Variants in CSNK1A1L observed in about 807,000 individuals in gnomAD.
CSNK1A1L encodes the protein casein kinase I isoform alpha-like.
In CSNK1A1L, 20 loss-of-function variants were observed where a neutral mutation model predicts 24.6. The ratio of observed to expected loss-of-function variants is 0.81; its 90% CI spans 0.57 to 1.18. The LOEUF is 1.18. Among genes scored for constraint, CSNK1A1L ranks in the 50% most tolerant of loss-of-function variants. The pLI is 0.00. For missense variants in CSNK1A1L, 414 were observed against 419.0 expected (o/e 0.99, Z 0.10); for synonymous variants, 152 against 154.0 (o/e 0.99, Z 0.09).
rs2070761581 is a variant in CSNK1A1L, at chr13:37,104,041, C to G, written c.*202G>C. On this transcript the variant is annotated 3_prime_UTR_variant, in exon 1 of 1. Transcript: ENST00000379800. ...GTTTCACTACCTCAGTTAATATTCA[C>G]AATTACAGAGGCTACACTTTGGGAT... The G allele has an allele frequency of 7.9e-6, 5 of 632,700 alleles. No homozygotes were observed. The highest frequency in any genetic ancestry group is 1.1e-5 in the Non-Finnish European group (4 of 367,318). 39.2% of individuals were successfully genotyped at this position (632,700 alleles called of 1,614,324 possible). A position where few individuals can be genotyped will look rare whatever the true frequency, so the allele number is the denominator to read the frequency against.
the CSNK1A1L span, chr13:37,104,558 A>C: frequency 6.8e-6 from 11 of 1,614,082 alleles, no homozygotes; most frequent in Non-Finnish European, 9.3e-6. Flanking sequence ...TAATCTTTTC[A>C]TATTTTTGTT....
chr13:37,104,819 A>T lies in CSNK1A1L; in HGVS notation c.438T>A (p.Thr146=). Residue 146 remains threonine, a synonymous_variant, in exon 1 of 1, where the codon ACT becomes ACA. Coordinates refer to ENST00000379800, the MANE Select transcript of CSNK1A1L (RefSeq NM_145203.6). ...DIKPDNFLMG[T]GRHCNKLFLI... ...GGAACAACTTATTACAGTGACGCCC[A>T]GTACCCATCAGGAAGTTATCTGGTT... The T allele has an allele frequency of 6.2e-7, 1 of 1,613,742 alleles. No homozygotes were observed. Among genetic ancestry groups the T allele is most frequent in the Non-Finnish European group, 8.5e-7 (1 of 1,179,970 alleles).
rs2070773518 is a variant in CSNK1A1L, at chr13:37,105,609, G to C, written c.-353C>G. On this transcript the variant is annotated 5_prime_UTR_variant, in exon 1 of 1. Coordinates refer to ENST00000379800, the MANE Select transcript of CSNK1A1L (RefSeq NM_145203.6). ...GCTACCAACGGCTGTGGGCCAGAGGGCCCGGTCACGCCGCCGGCGCCGCCA... is the reference window on the plus strand; with the variant it reads ...GCTACCAACGGCTGTGGGCCAGAGGCCCCGGTCACGCCGCCGGCGCCGCCA... 2 of 224,150 alleles carry C rather than the reference G, an allele frequency of 8.9e-6. No homozygotes were observed. Among genetic ancestry groups the C allele is most frequent in the South Asian group, 1.4e-4 (1 of 7,322 alleles). The allele number at this position is 224,150 out of a possible 1,614,324, so 13.9% of individuals were successfully genotyped here.
In CSNK1A1L at chr13:37,103,790, C is replaced by A; in HGVS notation, c.*453G>T. 5.2e-6 allele frequency: 1 copy of A among 193,216 alleles called. No homozygotes were observed. Among genetic ancestry groups the A allele is most frequent in the Admixed American group, 5.3e-5 (1 of 18,728 alleles). The allele number at this position is 193,216 out of a possible 1,614,324, so 12.0% of individuals were successfully genotyped here. On this transcript the variant is annotated 3_prime_UTR_variant, in exon 1 of 1. Coordinates refer to ENST00000379800, the MANE Select transcript of CSNK1A1L (RefSeq NM_145203.6). ...CTCTTTATGTGAACAATTTGCAAAC[C>A]CCAGGGATGGAGAAACCCTAAAAAT... is the stretch of plus-strand genomic sequence containing the variant.
rs148557143 is a variant in CSNK1A1L, at chr13:37,104,481, T to A, written c.776A>T (p.Tyr259Phe). ...GCGCAGCCCACGACAGTAGTTCAAGTACATGGCGAATTCTGCAGGAAACCC... is the reference window on the plus strand; with the variant it reads ...GCGCAGCCCACGACAGTAGTTCAAGAACATGGCGAATTCTGCAGGAAACCC... ...CKGFPAEFAM[Y>F]LNYCRGLRFE... Residue 259 changes from tyrosine (Y) to phenylalanine (F), a missense_variant, in exon 1 of 1, where the codon TAC (tyrosine) becomes TTC (phenylalanine). By Grantham distance (22) the Tyr-to-Phe change is conservative. Transcript: ENST00000379800. 6 of 1,614,090 alleles carry A rather than the reference T, an allele frequency of 3.7e-6. No homozygotes were observed. The highest frequency in any genetic ancestry group is 5.1e-6 in the Non-Finnish European group (6 of 1,180,040).
chr13:37,105,550 C>T lies in CSNK1A1L; in HGVS notation c.-294G>A. The T allele has an allele frequency of 5.4e-6, 2 of 368,330 alleles. No homozygotes were observed. The allele number at this position is 368,330 out of a possible 1,614,324, so 22.8% of individuals were successfully genotyped here. A position where few individuals can be genotyped will look rare whatever the true frequency, so the allele number is the denominator to read the frequency against. ...CGATGTCGTGGGCTGAGAAAGGGGG[C>T]ACAGCGAGTTGGGGCAGCAGTACTG... On this transcript the variant is annotated 5_prime_UTR_variant, in exon 1 of 1. Coordinates refer to ENST00000379800, the MANE Select transcript of CSNK1A1L (RefSeq NM_145203.6).
chr13:37,104,684 A>C lies in CSNK1A1L; in HGVS notation c.573T>G (p.Asn191Lys). ...GGCTCTGCTCAATACCAAGATGTGCATTGATGCTGGCATATCGGACAGTGC... is the reference window on the plus strand; with the variant it reads ...GGCTCTGCTCAATACCAAGATGTGCCTTGATGCTGGCATATCGGACAGTGC... ...LIGTVRYASI[N>K]AHLGIEQSRR... The change falls in exon 1 of 1, where the codon AAT becomes AAG. Residue 191 changes from asparagine to lysine, a missense_variant. Physicochemically the swap from Asn to Lys is moderately conservative, Grantham distance 94 (BLOSUM62 0). Transcript: ENST00000379800. The C allele has an allele frequency of 6.2e-7, 1 of 1,614,062 alleles. No homozygotes were observed. Among genetic ancestry groups the C allele is most frequent in the Non-Finnish European group, 8.5e-7 (1 of 1,180,026 alleles).
Position 37,105,299 on chromosome 13 carries a change from C to T in CSNK1A1L, c.-43G>A. The T allele has an allele frequency of 6.3e-7, 1 of 1,577,700 alleles. No homozygotes were observed. Among genetic ancestry groups the T allele is most frequent in the Non-Finnish European group, 8.6e-7 (1 of 1,162,246 alleles). On this transcript the variant is annotated 5_prime_UTR_variant, in exon 1 of 1. Coordinates refer to ENST00000379800, the MANE Select transcript of CSNK1A1L (RefSeq NM_145203.6). Reference sequence around the variant, plus strand: ...GAGGCTGGGCTCAGCCCTGACCCCTCTAGGGGAGGATGGAGGCCTCCGGGG... The same window carrying T: ...GAGGCTGGGCTCAGCCCTGACCCCTTTAGGGGAGGATGGAGGCCTCCGGGG...
In CSNK1A1L at chr13:37,105,619, G is replaced by A; in HGVS notation, c.-363C>T. 4.7e-6 allele frequency: 1 copy of A among 211,926 alleles called. No individual in the cohort carries two copies. Among genetic ancestry groups the A allele is most frequent in the East Asian group, 1.3e-4 (1 of 7,650 alleles). 13.1% of individuals were successfully genotyped at this position (211,926 alleles called of 1,614,324 possible). A position where few individuals can be genotyped will look rare whatever the true frequency, so the allele number is the denominator to read the frequency against. ...GCTGTGGGCCAGAGGGCCCGGTCAC[G>A]CCGCCGGCGCCGCCATTTTGTTCCT... On this transcript the variant is annotated 5_prime_UTR_variant, in exon 1 of 1. Transcript: ENST00000379800.
In CSNK1A1L at chr13:37,104,156, G is replaced by A; in HGVS notation, c.*87C>T. The stretch of plus-strand genomic sequence containing the variant: ...TGGTTGTTCACAGCCACTAGCTGGT[G>A]TACATATGAACTACAATTTCTAGAT... On this transcript the variant is annotated 3_prime_UTR_variant, in exon 1 of 1. Transcript: ENST00000379800. 1.3e-6 allele frequency: 2 copies of A among 1,545,676 alleles called. No individual in the cohort carries two copies. Among genetic ancestry groups the A allele is most frequent in the Non-Finnish European group, 1.8e-6 (2 of 1,123,702 alleles).
rs1035660543 is a variant in CSNK1A1L, at chr13:37,104,756, G to A, written c.501C>T (p.Asn167=). The A allele has an allele frequency of 1.2e-6, 2 of 1,613,694 alleles. No homozygotes were observed. The highest frequency in any genetic ancestry group is 2.7e-5 in the African/African-American group (2 of 74,812). ...TGTACGGTATGTGTTGCCTGGTCCT[G>A]TTGTCTCTGTACTTTTTGGCCAAAC... ...DFGLAKKYRD[N]RTRQHIPYRE... Residue 167 remains asparagine, a synonymous_variant, in exon 1 of 1, where the codon AAC becomes AAT. Transcript: ENST00000379800.
In CSNK1A1L at chr13:37,105,373, G is replaced by C; in HGVS notation, c.-117C>G. ...ATGAGGGCTGCTGGAAATGGCCACC[G>C]AGGCGTTTCCCGGTGTTACAGGGCG... On this transcript the variant is annotated 5_prime_UTR_variant, in exon 1 of 1. Transcript: ENST00000379800. 2.6e-6 allele frequency: 3 copies of C among 1,156,988 alleles called. No homozygotes were observed. The highest frequency in any genetic ancestry group is 2.4e-5 in the East Asian group (1 of 41,832). The allele number at this position is 1,156,988 out of a possible 1,614,324, so 71.7% of individuals were successfully genotyped here. A position where few individuals can be genotyped will look rare whatever the true frequency, so the allele number is the denominator to read the frequency against.
In CSNK1A1L at chr13:37,104,265, T is replaced by A. The variant is rs2070762700; in HGVS notation, c.992A>T (p.Lys331Met). 2 of 1,614,138 alleles carry A rather than the reference T, an allele frequency of 1.2e-6. No homozygotes were observed. The highest frequency in any genetic ancestry group is 2.2e-5 in the South Asian group (2 of 91,092). The stretch of plus-strand genomic sequence containing the variant: ...CGCTTAGTTATCTTTCACATTATTC[T>A]TGTTTTTTTCAGTTTGCTTGCCTGT... ...TQTGKQTEKNKNNVKDN is the reference protein window; with the variant it reads ...TQTGKQTEKNMNNVKDN Residue 331 changes from lysine (K) to methionine (M), a missense_variant, in exon 1 of 1, where the codon AAG (lysine) becomes ATG (methionine). By Grantham distance (95) the Lys-to-Met change is moderately conservative (BLOSUM62 -1). Coordinates refer to ENST00000379800, the MANE Select transcript of CSNK1A1L (RefSeq NM_145203.6).
rs1259640190 is a variant in CSNK1A1L, at chr13:37,104,489, G to A, written c.768C>T (p.Phe256=). 12 of 1,614,058 alleles carry A rather than the reference G, an allele frequency of 7.4e-6. No individual in the cohort carries two copies. In the East Asian group the frequency reaches 2.0e-4, roughly 27 times the overall value. ...EVLCKGFPAE[F]AMYLNYCRGL... ...CACGACAGTAGTTCAAGTACATGGC[G>A]AATTCTGCAGGAAACCCCTTACATA... Residue 256 remains phenylalanine (F), a synonymous_variant, in exon 1 of 1, where the codon TTC becomes TTT. Coordinates refer to ENST00000379800, the MANE Select transcript of CSNK1A1L (RefSeq NM_145203.6).
Position 37,104,829 on chromosome 13 carries a change from A to G in CSNK1A1L, c.428T>C (p.Leu143Pro), listed in dbSNP as rs1008599522. The change falls in exon 1 of 1, where the codon CTG becomes CCG. Residue 143 changes from leucine (L) to proline (P), a missense_variant. By Grantham distance (98) the Leu-to-Pro change is moderately conservative (BLOSUM62 -3). Transcript: ENST00000379800. ...ATTACAGTGACGCCCAGTACCCATC[A>G]GGAAGTTATCTGGTTTAATGTCTCG... ...LHRDIKPDNF[L>P]MGTGRHCNKL... 1 of 1,613,744 alleles carries G rather than the reference A, an allele frequency of 6.2e-7. No homozygotes were observed. Among genetic ancestry groups the G allele is most frequent in the African/African-American group, 1.3e-5 (1 of 74,800 alleles).
rs1468128150 is a variant in CSNK1A1L, at chr13:37,105,640, T to G, written c.-384A>C. On this transcript the variant is annotated 5_prime_UTR_variant, in exon 1 of 1. Transcript: ENST00000379800. ...TCACGCCGCCGGCGCCGCCATTTTG[T>G]TCCTCCACCTCAGCCAACCACAAAT... The G allele has an allele frequency of 2.0e-5, 4 of 203,328 alleles. No homozygotes were observed. The highest frequency in any genetic ancestry group is 3.3e-5 in the Non-Finnish European group (3 of 91,368). 12.6% of individuals were successfully genotyped at this position (203,328 alleles called of 1,614,324 possible).
In CSNK1A1L at chr13:37,105,260, G is replaced by A; in HGVS notation, c.-4C>T. 6.2e-7 allele frequency: 1 copy of A among 1,611,196 alleles called. No homozygotes were observed. Among genetic ancestry groups the A allele is most frequent in the Non-Finnish European group, 8.5e-7 (1 of 1,178,296 alleles). Reference sequence around the variant, plus strand: ...TGGAGCCGCTGTTGTTTGTCATCCTGAGAGGCAAAGATGGAGGCTGGGCTC... The same window carrying A: ...TGGAGCCGCTGTTGTTTGTCATCCTAAGAGGCAAAGATGGAGGCTGGGCTC... On this transcript the variant is annotated 5_prime_UTR_variant, in exon 1 of 1. Transcript: ENST00000379800.
Position 37,104,318 on chromosome 13 carries a change from A to G in CSNK1A1L, c.939T>C (p.Ser313=). The G allele has an allele frequency of 3.1e-6, 5 of 1,614,164 alleles. No homozygotes were observed. Among genetic ancestry groups the G allele is most frequent in the Non-Finnish European group, 4.2e-6 (5 of 1,180,036 alleles). Reference sequence around the variant, plus strand: ...GGGTTTGGGCCTGCTGACCCTGCCCACTGGAAGAGGCTGCCTGCTGTGCTG... The same window carrying G: ...GGGTTTGGGCCTGCTGACCCTGCCCGCTGGAAGAGGCTGCCTGCTGTGCTG... ...QKAAQQAASS[S]GQGQQAQTQT... The change falls in exon 1 of 1, where the codon AGT becomes AGC. Residue 313 remains serine, a synonymous_variant. Transcript: ENST00000379800.
At position 37,105,138 on chromosome 13, in the gene CSNK1A1L, C is replaced by T. The variant is rs1384752082; in HGVS notation, c.119G>A (p.Gly40Asp). Residue 40 changes from glycine (G) to aspartate (D), a missense_variant, in exon 1 of 1, where the codon GGC becomes GAC. Physicochemically the swap from Gly to Asp is moderately conservative, Grantham distance 94. Coordinates refer to ENST00000379800, the MANE Select transcript of CSNK1A1L (RefSeq NM_145203.6). ...DVYLGITTTNGEDVAVKLESQ... is the reference protein window; with the variant it reads ...DVYLGITTTNDEDVAVKLESQ... ...TTCCAGCTTCACTGCTACGTCCTCG[C>T]CGTTGGTGGTGGTGATGCCCAGATA... The T allele has an allele frequency of 2.5e-6, 4 of 1,614,014 alleles. No homozygotes were observed. In the African/African-American group the frequency reaches 5.3e-5, roughly 22 times the overall value.
Sources: allele counts gnomAD v4.1 joint callset, GRCh38; gene constraint gnomAD v4.1.1; transcripts MANE v1.5; gene names NCBI Gene and HGNC (gene_info 2026-07-23, HGNC 2026-07-21).